The following JADE1 variants were observed in gnomAD, a reference collection of about 807,000 sequenced individuals.
JADE1 encodes the protein protein Jade-1.
A neutral mutation model predicts 81.8 loss-of-function variants in JADE1; 14 were observed. The observed-to-expected ratio is 0.17, with a 90% CI of 0.11 to 0.27. The LOEUF is 0.27. Ranked by LOEUF, JADE1 falls within the 10% of genes least tolerant of loss-of-function variation. The pLI, the probability that JADE1 is intolerant of heterozygous loss-of-function variation, is 1.00. For synonymous variants in JADE1, 353 were observed against 391.9 expected (o/e 0.90, Z 1.17); for missense variants, 690 against 1,047.9 (o/e 0.66, Z 4.71).
At chr4:128,866,615 A>G (rs1731797834) in intron 9 of JADE1, among the ~76,000 whole-genome samples, 1 of 152,186 alleles carries the variant, frequency 6.6e-6, no homozygotes, top group East Asian at 1.9e-4. Flanking sequence ...AAGGTTGGTG[A>G]CCTTTGGACT....
chr4:128,872,217 C>T lies in JADE1; in HGVS notation c.2484C>T (p.Ile828=). Residue 828 remains isoleucine, a synonymous_variant, in exon 11 of 11, where the codon ATC becomes ATT. Transcript: ENST00000226319. ...AATGTATACACACCAGCAGCACTATCAGCAGAAGGACAGACATTATCAGGA... is the reference window on the plus strand; with the variant it reads ...AATGTATACACACCAGCAGCACTATTAGCAGAAGGACAGACATTATCAGGA... ...EKKCIHTSST[I]SRRTDIIRRS... 1.9e-6 allele frequency: 3 copies of T among 1,614,166 alleles called. No homozygotes were observed. The highest frequency in any genetic ancestry group is 1.7e-6 in the Non-Finnish European group (2 of 1,180,008).
chr4:128,842,992 A>G lies in JADE1; in HGVS notation c.92A>G (p.His31Arg), dbSNP rs750818762. 2.5e-6 allele frequency: 4 copies of G among 1,614,118 alleles called. No individual in the cohort carries two copies. The highest frequency in any genetic ancestry group is 2.2e-5 in the South Asian group (2 of 91,090). The change falls in exon 3 of 11, where the codon CAT (histidine) becomes CGT (arginine). Residue 31 changes from histidine to arginine, a missense_variant. His to Arg is a conservative substitution (Grantham distance 29, BLOSUM62 0). Around this residue, in one of 8 missense-constraint regions of JADE1, gnomAD observed 59 missense variants for 52.8 expected, o/e 1.12. Transcript: ENST00000226319. ...TTWSQNSRSQ[H>R]RRSSCSRHED... ...TGGTCCCAGAATTCCCGATCCCAGC[A>G]TAGGAGAAGCTCCTGCTCCAGACAT...
chr4:128,813,470 G>A (rs1726681121), intron 1 of JADE1, among the ~76,000 whole-genome samples: 1 of 141,030 alleles, frequency 7.1e-6, no homozygotes, highest in Non-Finnish European at 1.5e-5. Context: ...CCAGGCTGGA[G>A]TGCAGTGGCA....
intron 1 of JADE1, among the ~76,000 whole-genome samples, chr4:128,826,134 C>G (rs1376731886): frequency 6.6e-6 from 1 of 152,220 alleles, no homozygotes; most frequent in Non-Finnish European, 1.5e-5. Flanking sequence ...CAAGTGGACA[C>G]TCCAGGCTCC....
chr4:128,814,072 C>T (rs1348051663), intron 1 of JADE1, among the ~76,000 whole-genome samples: 1 of 150,910 alleles, frequency 6.6e-6, no homozygotes, highest in Non-Finnish European at 1.5e-5. Flanking sequence ...CTTCTTAGTT[C>T]TCCCCGCTTC....
At chr4:128,856,878 C>G (rs1157467529) in intron 7 of JADE1, among the ~76,000 whole-genome samples, 1 of 152,086 alleles carries the variant, frequency 6.6e-6, no homozygotes, top group African/African-American at 2.4e-5. Context: ...TGTAATTTCC[C>G]ATCTTGAATG....
intron 1 of JADE1, among the ~76,000 whole-genome samples, chr4:128,818,368 G>C (rs7657838): frequency 1.3e-5 from 2 of 152,100 alleles, no homozygotes; most frequent in African/African-American, 4.8e-5. Flanking sequence ...TGATGCACCC[G>C]CCTCAGCCTC....
Position 128,846,435 on chromosome 4 carries a change from G to C in JADE1, c.199G>C (p.Asp67His). Reference sequence around the variant, plus strand: ...GCATGACTCCTACCAGCTGAATCCGGATGAGTACTATGTGTTGGCAGATCC... The same window carrying C: ...GCATGACTCCTACCAGCTGAATCCGCATGAGTACTATGTGTTGGCAGATCC... ...KLHDSYQLNP[D>H]EYYVLADPWR... The change falls in exon 4 of 11, where the codon GAT becomes CAT. Residue 67 changes from aspartate (D) to histidine (H), a missense_variant. By Grantham distance (81) the Asp-to-His change is moderately conservative (BLOSUM62 -1). This residue lies in a region of JADE1 where 98 missense variants were observed against 161.3 expected (regional missense o/e 0.61). Coordinates refer to ENST00000226319, the MANE Select transcript of JADE1 (RefSeq NM_199320.4). This position sits in a 1 kb window ranked among gnomAD's most constrained non-coding sequence, Gnocchi z 4.0. The C allele has an allele frequency of 1.2e-6, 2 of 1,614,148 alleles. No individual in the cohort carries two copies. Among genetic ancestry groups the C allele is most frequent in the South Asian group, 2.2e-5 (2 of 91,078 alleles).
chr4:128,874,671 T>A lies in JADE1; in HGVS notation c.*2409T>A, dbSNP rs1732442730. The A allele has an allele frequency of 6.6e-6, 1 of 152,622 alleles. No homozygotes were observed. Among genetic ancestry groups the A allele is most frequent in the Admixed American group, 6.5e-5 (1 of 15,284 alleles). The allele number at this position is 152,622 out of a possible 1,614,324, so 9.5% of individuals were successfully genotyped here. A position where few individuals can be genotyped will look rare whatever the true frequency, so the allele number is the denominator to read the frequency against. ...CTGGGAACTCTCTATGAGGTGGCCA[T>A]AAGCAGCAACCAGCCCAAACACCCA... On this transcript the variant is annotated 3_prime_UTR_variant, in exon 11 of 11. Coordinates refer to ENST00000226319, the MANE Select transcript of JADE1 (RefSeq NM_199320.4).
chr4:128,814,887 A>G (rs1237236425), intron 1 of JADE1, among the ~76,000 whole-genome samples: 2 of 149,984 alleles, frequency 1.3e-5, no homozygotes, highest in Admixed American at 6.6e-5. Context: ...TTTTTCTGTC[A>G]GCTAGCTTGG....
intron 3 of JADE1, among the ~76,000 whole-genome samples, chr4:128,844,290 G>C (rs1021877068): frequency 6.6e-6 from 1 of 152,164 alleles, no homozygotes; most frequent in African/African-American, 2.4e-5. Flanking sequence ...ACCAAGCATG[G>C]AGAAGGGGGC....
intron 1 of JADE1, among the ~76,000 whole-genome samples, chr4:128,824,067 G>A (rs939138249): frequency 2.0e-5 from 3 of 152,070 alleles, no homozygotes; most frequent in African/African-American, 7.2e-5. Flanking sequence ...CAGTAATTTA[G>A]GAATCAAATT....
chr4:128,845,405 A>G (rs1729783861), intron 3 of JADE1, among the ~76,000 whole-genome samples: 1 of 152,066 alleles, frequency 6.6e-6, no homozygotes. Context: ...GACTTTCTCT[A>G]TTTCCTTTCC....
intron 1 of JADE1, among the ~76,000 whole-genome samples, chr4:128,828,383 G>A (rs544853397): frequency 1.3e-5 from 2 of 152,148 alleles, no homozygotes; most frequent in Admixed American, 6.5e-5. Flanking sequence ...CTGAAAGATA[G>A]TAACATGTAT....
chr4:128,814,470 T>A (rs1726803490), intron 1 of JADE1, among the ~76,000 whole-genome samples: 1 of 152,138 alleles, frequency 6.6e-6, no homozygotes, highest in South Asian at 2.1e-4. Context: ...CATCCATAGA[T>A]GACTACTGTA....
At chr4:128,851,820 C>G (rs911216866) in intron 5 of JADE1, among the ~76,000 whole-genome samples, 1 of 152,146 alleles carries the variant, frequency 6.6e-6, no homozygotes, top group African/African-American at 2.4e-5. Flanking sequence ...TGTGCCACCA[C>G]GTCTGGCTAA....
intron 5 of JADE1, among the ~76,000 whole-genome samples, chr4:128,851,626 TA>T (rs1328877733): frequency 6.6e-6 from 1 of 152,178 alleles, no homozygotes; most frequent in Non-Finnish European, 1.5e-5. Context: ...AAGCATTTAA[TA>T]AAAAATTTTG....
At chr4:128,814,350 A>G (rs1178119805) in intron 1 of JADE1, among the ~76,000 whole-genome samples, 4 of 152,226 alleles carry the variant, frequency 2.6e-5, no homozygotes, top group Non-Finnish European at 5.9e-5. Context: ...CACGTGACCG[A>G]TATTAATTTT....
intron 8 of JADE1, among the ~76,000 whole-genome samples, chr4:128,860,456 C>T (rs1296130224): frequency 6.6e-6 from 1 of 152,200 alleles, no homozygotes; most frequent in Non-Finnish European, 1.5e-5. Flanking sequence ...GCTCTAGCCT[C>T]TGCCATCCTT....
Sources: allele counts gnomAD v4.1 joint callset (sites outside exome capture counted in the v4.1 genomes callset), GRCh38; gene constraint gnomAD v4.1.1; regional missense constraint gnomAD v4.1.1; non-coding constraint Gnocchi (gnomAD v3.1); transcripts MANE v1.5; gene names NCBI Gene and HGNC (gene_info 2026-07-23, HGNC 2026-07-21).